Variants in RBMS3 observed in about 807,000 individuals in gnomAD.
The protein encoded by RBMS3 is RNA-binding motif, single-stranded-interacting protein 3.
RBMS3 carries 27 observed loss-of-function variants against 66.8 expected under a neutral mutation model. The ratio of observed to expected loss-of-function variants is 0.40; its 90% CI spans 0.30 to 0.56. The LOEUF (loss-of-function observed/expected upper bound fraction) is 0.56. RBMS3 is among the 20% of genes least tolerant of loss of function. The pLI is 0.40. For synonymous variants in RBMS3, 188 were observed against 183.0 expected, an observed-to-expected ratio of 1.03 and a Z score of -0.22; for missense variants, 513 against 549.5, an observed-to-expected ratio of 0.93 and a Z score of 0.66.
intron 3 of RBMS3, among the ~76,000 whole-genome samples, chr3:29,528,510 A>G (rs915352575): frequency 2.0e-5 from 3 of 152,132 alleles, no homozygotes; most frequent in African/African-American, 7.2e-5. Flanking sequence ...ACATTATTCA[A>G]GTGTCTTTGA....
At chr3:29,879,934 C>T (rs1306093934) in intron 7 of RBMS3, among the ~76,000 whole-genome samples, 1 of 152,114 alleles carries the variant, frequency 6.6e-6, no homozygotes, top group East Asian at 1.9e-4. Flanking sequence ...CTAATGTGTA[C>T]TCTTTAAGCA....
intron 3 of RBMS3, among the ~76,000 whole-genome samples, chr3:29,517,408 C>T (rs2044686080): frequency 6.6e-6 from 1 of 151,502 alleles, no homozygotes; most frequent in Non-Finnish European, 1.5e-5. Flanking sequence ...CTGCAAGCTC[C>T]ACCTCCCAGG....
intron 6 of RBMS3, among the ~76,000 whole-genome samples, chr3:29,806,148 C>A (rs1407397180): frequency 6.6e-6 from 1 of 151,946 alleles, no homozygotes; most frequent in Non-Finnish European, 1.5e-5. Context: ...CCATATTTCC[C>A]TTCTCAGAGA....
chr3:29,282,592 A>C (rs1174282135), intron 1 of RBMS3, among the ~76,000 whole-genome samples: 3 of 152,144 alleles, frequency 2.0e-5, no homozygotes, highest in African/African-American at 7.2e-5. Context: ...AAAGACTCTC[A>C]GGTGTGAAAT....
chr3:29,369,398 G>A (rs187837581), intron 1 of RBMS3, among the ~76,000 whole-genome samples: 44 of 151,292 alleles, frequency 2.9e-4, no homozygotes, highest in Non-Finnish European at 5.2e-4. Flanking sequence ...GGCAAAAACC[G>A]CATTTACTTT....
At chr3:29,822,116 C>T (rs567798959) in intron 6 of RBMS3, among the ~76,000 whole-genome samples, 41 of 152,304 alleles carry the variant, frequency 2.7e-4, no homozygotes, top group Non-Finnish European at 5.3e-4. Flanking sequence ...TTCTTGTGTG[C>T]TTTTCATCAC....
At chr3:29,812,779 C>G (rs1426849445) in intron 6 of RBMS3, among the ~76,000 whole-genome samples, 1 of 151,996 alleles carries the variant, frequency 6.6e-6, no homozygotes, top group Admixed American at 6.6e-5. Flanking sequence ...TTTGCCGATG[C>G]CTTCTGGGTG....
chr3:29,463,922 G>T (rs1409962625), intron 2 of RBMS3, among the ~76,000 whole-genome samples: 1 of 152,084 alleles, frequency 6.6e-6, no homozygotes, highest in Non-Finnish European at 1.5e-5. Flanking sequence ...ATGCTGCCCT[G>T]CCTTCCATTG....
intron 4 of RBMS3, among the ~76,000 whole-genome samples, chr3:29,648,735 C>A (rs1182319340): frequency 1.3e-5 from 2 of 151,718 alleles, no homozygotes; most frequent in Non-Finnish European, 2.9e-5. Flanking sequence ...CTAAACATGT[C>A]CAAATATTTT....
At chr3:29,668,322 T>C (rs2050851460) in intron 4 of RBMS3, among the ~76,000 whole-genome samples, 1 of 152,218 alleles carries the variant, frequency 6.6e-6, no homozygotes. Flanking sequence ...TGTCTAACAC[T>C]GCTGTAGGAC....
intron 14 of RBMS3, among the ~76,000 whole-genome samples, chr3:29,998,181 T>G (rs1699376341): frequency 6.6e-6 from 1 of 152,046 alleles, no homozygotes; most frequent in African/African-American, 2.4e-5. Context: ...TCAAAGAGAA[T>G]AAAATACCTA....
chr3:29,408,489 G>C (rs1043479555), intron 1 of RBMS3, among the ~76,000 whole-genome samples: 1 of 151,800 alleles, frequency 6.6e-6, no homozygotes. Flanking sequence ...AATCTCTAAG[G>C]GTCAAGAAAA....
At chr3:29,991,971 C>T (rs943612936) in intron 14 of RBMS3, among the ~76,000 whole-genome samples, 1 of 152,082 alleles carries the variant, frequency 6.6e-6, no homozygotes, top group Non-Finnish European at 1.5e-5. Flanking sequence ...ATGCAAAGTA[C>T]ATTTGGCTTT....
At chr3:29,787,892 T>C (rs910330422) in intron 6 of RBMS3, among the ~76,000 whole-genome samples, 1 of 152,206 alleles carries the variant, frequency 6.6e-6, no homozygotes, top group African/African-American at 2.4e-5. Flanking sequence ...TTATTTTTCC[T>C]GGGAAATTTT....
In RBMS3 at chr3:29,817,192, C is replaced by CTTTTTTTTTTT. The variant is rs373365962; in HGVS notation, c.638-51663_638-51653dup. 6.3e-3 allele frequency among the ~76,000 whole-genome samples: 802 copies of CTTTTTTTTTTT among 126,976 alleles called. 29 individuals are homozygous for CTTTTTTTTTTT. The highest frequency in any genetic ancestry group is 9.3e-3 in the South Asian group (40 of 4,304). The allele number at this position is 126,976 out of a possible 152,430, so 83.3% of individuals were successfully genotyped here. A position where few individuals can be genotyped will look rare whatever the true frequency, so the allele number is the denominator to read the frequency against. On this transcript the variant is annotated intron_variant, in intron 6 of 14. Transcript: ENST00000383767. ...GGGTTGCATTTCCAAATTTTCTTTT[C>CTTTTTTTTTTT]TTTTTTTTTTTTTGAGGCAAAGTCT...
intron 1 of RBMS3, among the ~76,000 whole-genome samples, chr3:29,322,188 C>T (rs933464929): frequency 4.6e-5 from 7 of 151,790 alleles, no homozygotes; most frequent in African/African-American, 7.3e-5. Flanking sequence ...TCTTTTCTAC[C>T]GTCTGGCTTA....
At chr3:29,986,182 G>T (rs1395554986) in intron 12 of RBMS3, among the ~76,000 whole-genome samples, 1 of 152,040 alleles carries the variant, frequency 6.6e-6, no homozygotes, top group African/African-American at 2.4e-5. Context: ...GGCAGAACAT[G>T]AGCCACAAAT....
chr3:29,964,532 A>C (rs530871182), intron 12 of RBMS3, among the ~76,000 whole-genome samples: 1 of 152,168 alleles, frequency 6.6e-6, no homozygotes, highest in Non-Finnish European at 1.5e-5. Context: ...TTTTCTAAAA[A>C]CTTTCTTTTT....
rs1169901143 is a variant in RBMS3, at chr3:29,404,429, CAT to C, written c.76-30311_76-30310del. 2.0e-5 allele frequency among the ~76,000 whole-genome samples: 3 copies of C among 152,218 alleles called. No homozygotes were observed. The East Asian group carries it at 5.8e-4, about 29-fold the overall frequency. On this transcript the variant is annotated intron_variant, in intron 1 of 14. Transcript: ENST00000383767. ...TATTTTCTTTTTGCTGGTTAAGAGA[CAT>C]ATGTTATAGGTACAGCTTACTATCT...
Sources: gnomAD v4.1 joint callset for allele counts (sites outside exome capture counted in the v4.1 genomes callset) on GRCh38, gnomAD v4.1.1 for gene constraint, MANE v1.5 for transcripts, NCBI Gene and HGNC (gene_info 2026-07-23, HGNC 2026-07-21) for gene names.